CDC5L: variants seen among roughly 807,000 people sequenced by gnomAD.
The protein encoded by CDC5L is cell division cycle 5-like protein.
A neutral mutation model predicts 104.1 loss-of-function variants in CDC5L; 18 were observed. The ratio of observed to expected loss-of-function variants is 0.17; its 90% CI spans 0.12 to 0.26. CDC5L has a LOEUF of 0.26. Among genes scored for constraint, CDC5L ranks in the 10% least tolerant of loss-of-function variants. The pLI is 1.00. For synonymous variants in CDC5L, 331 were observed against 322.7 expected (o/e 1.03, Z -0.28); for missense variants, 673 against 956.9 (o/e 0.70, Z 3.91).
chr6:44,419,875 C>A (rs1457597123), intron 9 of CDC5L, among the ~76,000 whole-genome samples: 1 of 151,886 alleles, frequency 6.6e-6, no homozygotes, highest in South Asian at 2.1e-4. Context: ...CGGGTTCAAG[C>A]GATTCTCGTG....
intron 10 of CDC5L, 149 bp downstream of exon 10, chr6:44,422,958 T>G (rs545062951): frequency 2.2e-6 from 1 of 452,526 alleles, no homozygotes; most frequent in East Asian, 3.5e-5. Context: ...TTGTAAGACT[T>G]GATGAAAGGG....
In CDC5L at chr6:44,419,615, G is replaced by C. The variant is rs776925445; in HGVS notation, c.1241+18G>C. ...CCATTCAGGTATTGTAAATGAACACGTTTTTATTTTAGAAAAACTTGAATT... is the reference window on the plus strand; with the variant it reads ...CCATTCAGGTATTGTAAATGAACACCTTTTTATTTTAGAAAAACTTGAATT... On this transcript the variant is annotated intron_variant, in intron 9 of 15. Coordinates refer to ENST00000371477, the MANE Select transcript of CDC5L (RefSeq NM_001253.4). 6.9e-6 allele frequency: 11 copies of C among 1,600,270 alleles called. No homozygotes were observed. The highest frequency in any genetic ancestry group is 9.4e-6 in the Non-Finnish European group (11 of 1,168,914).
chr6:44,393,714 G>A, intron 4 of CDC5L, 141 bp downstream of exon 4: 1 of 796,812 alleles, frequency 1.3e-6, no homozygotes. Context: ...ACCCAGGCTG[G>A]AATGAAGTGG....
chr6:44,408,046 G>C (rs1186304101), intron 7 of CDC5L, among the ~76,000 whole-genome samples: 4 of 152,046 alleles, frequency 2.6e-5, no homozygotes, highest in Non-Finnish European at 5.9e-5. Context: ...AAGAATTTCA[G>C]TATAGAGATA....
In CDC5L at chr6:44,447,226, G is replaced by A. The variant is rs1793486989; in HGVS notation, c.*515G>A. On this transcript the variant is annotated 3_prime_UTR_variant, in exon 16 of 16. Transcript: ENST00000371477. The stretch of plus-strand genomic sequence containing the variant: ...GTTTCAGCAAAGAGTGGTCATTTCT[G>A]TATACACTGACAAGTTAGATTAACT... The A allele has an allele frequency of 6.6e-6, 1 of 151,994 alleles. No individual in the cohort carries two copies. The highest frequency in any genetic ancestry group is 2.4e-5 in the African/African-American group (1 of 41,372). 9.4% of individuals were successfully genotyped at this position (151,994 alleles called of 1,614,324 possible).
intron 7 of CDC5L, among the ~76,000 whole-genome samples, chr6:44,407,167 A>G (rs1193365739): frequency 2.0e-5 from 3 of 152,082 alleles, no homozygotes; most frequent in Non-Finnish European, 4.4e-5. Flanking sequence ...CTCCCAGGGA[A>G]TGTTTTGTTG....
intron 15 of CDC5L, 43 bp downstream of exon 15, chr6:44,445,910 A>G (rs996183999): frequency 7.0e-7 from 1 of 1,431,040 alleles, no homozygotes; most frequent in Admixed American, 1.7e-5. Flanking sequence ...GAGTGCTGCA[A>G]AGAATTATCA....
intron 7 of CDC5L, among the ~76,000 whole-genome samples, chr6:44,407,440 C>T (rs1791423710): frequency 1.3e-5 from 2 of 152,092 alleles, no homozygotes; most frequent in South Asian, 2.1e-4. Flanking sequence ...GATTCTCCTG[C>T]CTCAGCCTTC....
chr6:44,402,553 A>G (rs1791180071), intron 5 of CDC5L, among the ~76,000 whole-genome samples: 2 of 152,280 alleles, frequency 1.3e-5, no homozygotes, highest in African/African-American at 2.4e-5. Flanking sequence ...CTGTTTTGTA[A>G]CTTGTTTTCC....
chr6:44,404,249 A>G (rs768319665), intron 6 of CDC5L, among the ~76,000 whole-genome samples: 3 of 151,994 alleles, frequency 2.0e-5, no homozygotes, highest in Non-Finnish European at 4.4e-5. Flanking sequence ...GGCTCAAGCA[A>G]TCCTCCCACC....
intron 2 of CDC5L, among the ~76,000 whole-genome samples, 187 bp downstream of exon 2, chr6:44,390,558 T>A (rs570166814): frequency 6.6e-6 from 1 of 152,322 alleles, no homozygotes; most frequent in South Asian, 2.1e-4. Context: ...GCAAGCCATT[T>A]TTCTATCCCT....
intron 14 of CDC5L, among the ~76,000 whole-genome samples, chr6:44,433,100 G>A (rs1172123402): frequency 6.6e-6 from 1 of 152,104 alleles, no homozygotes; most frequent in African/African-American, 2.4e-5. Flanking sequence ...ATTCAGTGTA[G>A]GAAACATTTT....
rs2297332 is a variant in CDC5L, at chr6:44,387,945, G to A, written c.45+77G>A. ...GTGCGCACGCGCGCGGAGGTCGGGG[G>A]GGCGACGAGGAGACCCTGTGGGGTC... On this transcript the variant is annotated intron_variant, in intron 1 of 15. Coordinates refer to ENST00000371477, the MANE Select transcript of CDC5L (RefSeq NM_001253.4). 1,164,833 of 1,449,918 alleles carry A rather than the reference G, an allele frequency of 0.8. 481,075 individuals are homozygous for A. Among genetic ancestry groups the A allele is most frequent in the Non-Finnish European group, 0.86 (916,995 of 1,060,180 alleles). 89.8% of individuals were successfully genotyped at this position (1,449,918 alleles called of 1,614,324 possible). A position where few individuals can be genotyped will look rare whatever the true frequency, so the allele number is the denominator to read the frequency against.
chr6:44,413,003 C>T (rs908070239), intron 8 of CDC5L, among the ~76,000 whole-genome samples: 4 of 151,282 alleles, frequency 2.6e-5, no homozygotes, highest in East Asian at 2.0e-4. Flanking sequence ...GGGATGGTCT[C>T]GATCTCCTGA....
intron 5 of CDC5L, among the ~76,000 whole-genome samples, chr6:44,401,366 G>A (rs1427880960): frequency 6.6e-6 from 1 of 152,152 alleles, no homozygotes; most frequent in Non-Finnish European, 1.5e-5. Flanking sequence ...AAGGCTATCA[G>A]GGCTCCAGTA....
chr6:44,423,302 C>T (rs531464134), intron 10 of CDC5L, among the ~76,000 whole-genome samples: 72 of 152,238 alleles, frequency 4.7e-4, no homozygotes, highest in South Asian at 1.0e-3. Context: ...AAAGCCAACT[C>T]TGAATGGATA....
intron 8 of CDC5L, among the ~76,000 whole-genome samples, chr6:44,410,239 C>T (rs1383709413): frequency 6.6e-6 from 1 of 152,094 alleles, no homozygotes; most frequent in Non-Finnish European, 1.5e-5. Context: ...CACCCCTCAG[C>T]CTCTAGTAAC....
Position 44,392,806 on chromosome 6 carries a change from T to G in CDC5L, c.289T>G (p.Leu97Val). 1 of 1,614,002 alleles carries G rather than the reference T, an allele frequency of 6.2e-7. No homozygotes were observed. Among genetic ancestry groups the G allele is most frequent in the Non-Finnish European group, 8.5e-7 (1 of 1,179,898 alleles). ...CATTGGAAGAACAGCGGCCCAGTGC[T>G]TAGAACACTATGAATTTCTTCTGTA... ...PIIGRTAAQCLEHYEFLLDKA... is the reference protein window; with the variant it reads ...PIIGRTAAQCVEHYEFLLDKA... The change falls in exon 3 of 16, where the codon TTA becomes GTA. Residue 97 changes from leucine to valine, a missense_variant. Physicochemically the swap from Leu to Val is conservative, Grantham distance 32. This residue lies in a region of CDC5L where 74 missense variants were observed against 123.5 expected (regional missense o/e 0.60). Transcript: ENST00000371477.
intron 9 of CDC5L, among the ~76,000 whole-genome samples, chr6:44,422,087 T>C (rs1357459060): frequency 6.6e-6 from 1 of 152,240 alleles, no homozygotes; most frequent in African/African-American, 2.4e-5. Flanking sequence ...GTGGATCTTA[T>C]TCCTAGGAGA....
Sources: allele counts gnomAD v4.1 joint callset (sites outside exome capture counted in the v4.1 genomes callset), GRCh38; gene constraint gnomAD v4.1.1; regional missense constraint gnomAD v4.1.1; transcripts MANE v1.5; gene names NCBI Gene and HGNC (gene_info 2026-07-23, HGNC 2026-07-21).